The following ADARB2 variants were observed in gnomAD, a reference collection of about 807,000 sequenced individuals.
ADARB2 encodes the protein adenosine deaminase RNA specific B2 (inactive).
A neutral mutation model predicts 62.2 loss-of-function variants in ADARB2; 25 were observed. That is an observed-to-expected ratio of 0.40 (90% CI 0.29 to 0.56). The LOEUF (loss-of-function observed/expected upper bound fraction) is 0.56, where lower values mean the gene tolerates loss of function less well. Among genes scored for constraint, ADARB2 ranks in the 20% least tolerant of loss-of-function variants. The probability of loss-of-function intolerance (pLI) is 0.43; values close to 1 mark genes in which losing one functional copy is unlikely to be tolerated. For missense variants in ADARB2, 1,071 were observed against 1,077.4 expected, an observed-to-expected ratio of 0.99 and a Z score of 0.08; for synonymous variants, 572 against 500.8, an observed-to-expected ratio of 1.14 and a Z score of -1.90.
intron 1 of ADARB2, among the ~76,000 whole-genome samples, chr10:1,420,103 C>A (rs1039408897): frequency 6.6e-6 from 1 of 152,160 alleles, no homozygotes; most frequent in Non-Finnish European, 1.5e-5. Context: ...AGCAATTAAG[C>A]AGGAACATTC....
chr10:1,380,528 G>C (rs1214806690), intron 1 of ADARB2, among the ~76,000 whole-genome samples: 1 of 152,156 alleles, frequency 6.6e-6, no homozygotes, highest in East Asian at 1.9e-4. Flanking sequence ...TGGCCTTCAG[G>C]CGTCCAGACT....
intron 6 of ADARB2, among the ~76,000 whole-genome samples, chr10:1,218,943 G>C (rs1023415178): frequency 6.6e-6 from 1 of 151,658 alleles, no homozygotes; most frequent in Non-Finnish European, 1.5e-5. Context: ...CCAGCTACTC[G>C]GGAGGCTGAG....
At chr10:1,233,654 G>C in intron 6 of ADARB2, 40 bp downstream of exon 6, 1 of 1,575,302 alleles carries the variant, frequency 6.3e-7, no homozygotes, top group Non-Finnish European at 8.6e-7. Flanking sequence ...AGGGAGCTGG[G>C]GGCTGTTGGC....
chr10:1,180,273 G>C lies in ADARB2; in HGVS notation c.*2920C>G, dbSNP rs1015491481. On this transcript the variant is annotated 3_prime_UTR_variant, in exon 10 of 10. Coordinates refer to ENST00000381312, the MANE Select transcript of ADARB2 (RefSeq NM_018702.4). Reference sequence around the variant, plus strand: ...GGCCCCCCCAAGCATAGCTGGGGCTGTGGGAATCCTGGGACCCAGCTCTTC... The same window carrying C: ...GGCCCCCCCAAGCATAGCTGGGGCTCTGGGAATCCTGGGACCCAGCTCTTC... 3 of 151,956 alleles carry C rather than the reference G, an allele frequency of 2.0e-5. No homozygotes were observed. The highest frequency in any genetic ancestry group is 4.4e-5 in the Non-Finnish European group (3 of 68,016). The allele number at this position is 151,956 out of a possible 1,614,324, so 9.4% of individuals were successfully genotyped here. A position where few individuals can be genotyped will look rare whatever the true frequency, so the allele number is the denominator to read the frequency against.
chr10:1,301,468 C>A (rs78546790), intron 3 of ADARB2, among the ~76,000 whole-genome samples: 10,782 of 152,236 alleles, frequency 0.071, 550 homozygotes, highest in Non-Finnish European at 0.1. Flanking sequence ...TGAAACCCAT[C>A]AAAATATTGA....
intron 6 of ADARB2, among the ~76,000 whole-genome samples, chr10:1,231,186 A>G (rs1830800791): frequency 6.6e-6 from 1 of 152,164 alleles, no homozygotes; most frequent in South Asian, 2.1e-4. Context: ...ATATTAGCCA[A>G]GGAAGAGGCT....
chr10:1,255,221 A>T lies in ADARB2; in HGVS notation c.1193-12922T>A, dbSNP rs549478881. 1.7e-4 allele frequency among the ~76,000 whole-genome samples: 26 copies of T among 152,272 alleles called. No individual in the cohort carries two copies. The highest frequency in any genetic ancestry group is 6.0e-4 in the African/African-American group (25 of 41,534). ...AAATGAATAACTCTGCTGTTTTAAC[A>T]CTCATTCTTTTTCCTTCCAAAATGG... On this transcript the variant is annotated intron_variant, in intron 4 of 9. Coordinates refer to ENST00000381312, the MANE Select transcript of ADARB2 (RefSeq NM_018702.4). The surrounding 1 kb of genome is among the most constrained non-coding windows in gnomAD (Gnocchi z 4.7).
chr10:1,309,631 C>T (rs1831665383), intron 3 of ADARB2, among the ~76,000 whole-genome samples: 1 of 152,202 alleles, frequency 6.6e-6, no homozygotes, highest in Admixed American at 6.5e-5. Context: ...GTTAACATTT[C>T]CCCTAAGCAC....
intron 1 of ADARB2, chr10:1,526,874 C>A: frequency 2.0e-6 from 1 of 508,546 alleles, no homozygotes; most frequent in African/African-American, 1.9e-5. Flanking sequence ...CGCTGCTTGC[C>A]TCATCAGCCT....
intron 3 of ADARB2, among the ~76,000 whole-genome samples, chr10:1,331,627 G>T (rs764070058): frequency 2.0e-5 from 3 of 152,202 alleles, no homozygotes; most frequent in Non-Finnish European, 4.4e-5. Context: ...TCAGAAAAAT[G>T]TTCCAAAATT....
At chr10:1,670,361 A>C (rs1365147083) in intron 1 of ADARB2, among the ~76,000 whole-genome samples, 2 of 152,252 alleles carry the variant, frequency 1.3e-5, no homozygotes, top group East Asian at 3.8e-4. Context: ...TAGAGGACTG[A>C]ACCCAGCAGC....
At chr10:1,550,503 A>G (rs1832603472) in intron 1 of ADARB2, among the ~76,000 whole-genome samples, 1 of 152,192 alleles carries the variant, frequency 6.6e-6, no homozygotes, top group African/African-American at 2.4e-5. Context: ...TTTGCAGCTA[A>G]TGACGCTCTC....
chr10:1,187,061 T>G (rs1291749967), intron 8 of ADARB2, among the ~76,000 whole-genome samples: 1 of 152,180 alleles, frequency 6.6e-6, no homozygotes, highest in Non-Finnish European at 1.5e-5. Context: ...TGCCAACCAC[T>G]TCGAAAGTCA....
chr10:1,262,303 A>ATAAT (rs2131791731), intron 4 of ADARB2, among the ~76,000 whole-genome samples: 1 of 145,438 alleles, frequency 6.9e-6, no homozygotes, highest in East Asian at 2.0e-4. Context: ...AATAATAATA[A>ATAAT]TAATAATAAT....
chr10:1,590,516 TCTCTGGAC>T (rs1278431367), intron 1 of ADARB2, among the ~76,000 whole-genome samples: 1 of 152,200 alleles, frequency 6.6e-6, no homozygotes, highest in African/African-American at 2.4e-5. Flanking sequence ...AGAGGCATTT[TCTCTGGAC>T]CTGGTTCCTC....
At chr10:1,721,281 G>C (rs1284563928) in intron 1 of ADARB2, among the ~76,000 whole-genome samples, 1 of 152,168 alleles carries the variant, frequency 6.6e-6, no homozygotes, top group Non-Finnish European at 1.5e-5. Context: ...CCAAAATATT[G>C]CAAGAGGTGA....
chr10:1,488,382 G>A (rs1049819652), intron 1 of ADARB2, among the ~76,000 whole-genome samples: 7 of 152,224 alleles, frequency 4.6e-5, no homozygotes, highest in African/African-American at 1.7e-4. Flanking sequence ...CTGGTGTGAT[G>A]TATTACAGTT....
At chr10:1,249,126 A>C (rs1011236159) in intron 4 of ADARB2, among the ~76,000 whole-genome samples, 1 of 152,222 alleles carries the variant, frequency 6.6e-6, no homozygotes, top group Admixed American at 6.5e-5. Context: ...CTTATTTCTG[A>C]AATGTGATAA....
chr10:1,375,897 C>T (rs1359491389), intron 2 of ADARB2, among the ~76,000 whole-genome samples: 3 of 150,618 alleles, frequency 2.0e-5, no homozygotes, highest in Admixed American at 6.6e-5. Context: ...ACACCACACA[C>T]GTGCACATAC....
Sources: allele counts gnomAD v4.1 joint callset (sites outside exome capture counted in the v4.1 genomes callset), GRCh38; gene constraint gnomAD v4.1.1; non-coding constraint Gnocchi (gnomAD v3.1); transcripts MANE v1.5; gene names NCBI Gene and HGNC (gene_info 2026-07-23, HGNC 2026-07-21).